IFT122: variants seen among roughly 807,000 people sequenced by gnomAD.
IFT122 encodes intraflagellar transport protein 122 homolog.
A neutral mutation model predicts 161.6 loss-of-function variants in IFT122; 118 were observed. That is an observed-to-expected ratio of 0.73 (90% CI 0.63 to 0.85). The LOEUF (loss-of-function observed/expected upper bound fraction) is 0.85, where lower values mean the gene tolerates loss of function less well. IFT122 is among the 40% of genes least tolerant of loss of function. The pLI, the probability that IFT122 is intolerant of heterozygous loss-of-function variation, is 0.00. For synonymous variants in IFT122, 550 were observed against 602.4 expected (o/e 0.91, Z 1.27); for missense variants, 1,381 against 1,579.6 (o/e 0.87, Z 2.13).
At position 129,502,740 on chromosome 3, in the gene IFT122, A is replaced by G. The variant is rs1275896342; in HGVS notation, c.2405A>G (p.Lys802Arg). ...ATCGACATCGCCCGCAAACTGGACA[A>G]GGCTGAGCGCGAGCCCCTGCTGCTG... ...MLIDIARKLD[K>R]AEREPLLLCA... The change falls in exon 20 of 30, where the codon AAG becomes AGG. Residue 802 changes from lysine to arginine, a missense_variant. Lys to Arg is a conservative substitution (Grantham distance 26). Transcript: ENST00000348417. 3.1e-6 allele frequency: 5 copies of G among 1,610,212 alleles called. No individual in the cohort carries two copies. The African/African-American group carries it at 6.7e-5, about 21-fold the overall frequency.
intron 8 of IFT122, among the ~76,000 whole-genome samples, chr3:129,469,109 G>C (rs1270211719): frequency 6.6e-6 from 1 of 152,220 alleles, no homozygotes; most frequent in Non-Finnish European, 1.5e-5. Flanking sequence ...TAAGGTCATA[G>C]CAGGGGACTC....
At chr3:129,466,385 TG>T (rs1254081564) in intron 7 of IFT122, among the ~76,000 whole-genome samples, 1 of 152,066 alleles carries the variant, frequency 6.6e-6, no homozygotes, top group Non-Finnish European at 1.5e-5. Flanking sequence ...GAGGACTTGG[TG>T]GCTCTAGGCT....
intron 1 of IFT122, among the ~76,000 whole-genome samples, chr3:129,445,624 G>C (rs1296934104): frequency 6.6e-6 from 1 of 152,202 alleles, no homozygotes; most frequent in Non-Finnish European, 1.5e-5. Flanking sequence ...GGGAGCAGAA[G>C]GCAGCATAGC....
chr3:129,490,218 A>G (rs780297062), intron 16 of IFT122, among the ~76,000 whole-genome samples: 2 of 152,198 alleles, frequency 1.3e-5, no homozygotes, highest in Non-Finnish European at 2.9e-5. Context: ...TGTGTACAAC[A>G]TGCTGTTTTG....
At chr3:129,461,143 T>C in intron 4 of IFT122, 85 bp from the exon 5 acceptor site, 2 of 1,151,990 alleles carry the variant, frequency 1.7e-6, no homozygotes, top group Admixed American at 3.4e-5. Context: ...TCAGAGGCTG[T>C]GGGCTCATTA....
chr3:129,488,065 A>C, intron 15 of IFT122, 192 bp from the exon 16 acceptor site: 1 of 788,916 alleles, frequency 1.3e-6, no homozygotes, highest in Non-Finnish European at 2.1e-6. Flanking sequence ...TAGCCCAGTC[A>C]TGAGAGAGGT....
In IFT122 at chr3:129,515,513, G is replaced by A; in HGVS notation, c.3179G>A (p.Cys1060Tyr). 6.4e-7 allele frequency: 1 copy of A among 1,550,780 alleles called. No homozygotes were observed. The highest frequency in any genetic ancestry group is 2.3e-5 in the East Asian group (1 of 44,286). Residue 1060 changes from cysteine (C) to tyrosine (Y), a missense_variant, in exon 26 of 30, where the codon TGC becomes TAC. Physicochemically the swap from Cys to Tyr is radical, Grantham distance 194. Coordinates refer to ENST00000348417, the MANE Select transcript of IFT122 (RefSeq NM_052989.3). ...GAGTTGGTGCCCTTGTGCTACCGCT[G>A]CTCCACCAACAACCCGCTGCTCAAC... The part of the protein sequence containing the change: ...SEELVPLCYR[C>Y]STNNPLLNNL...
At chr3:129,480,049 T>C in intron 13 of IFT122, 127 bp downstream of exon 13, 1 of 1,199,156 alleles carries the variant, frequency 8.3e-7, no homozygotes, top group South Asian at 1.3e-5. Context: ...ATGGGTGAAT[T>C]GTGGGGCAGC....
intron 9 of IFT122, among the ~76,000 whole-genome samples, chr3:129,475,169 A>G (rs931780826): frequency 6.6e-6 from 1 of 152,156 alleles, no homozygotes; most frequent in Non-Finnish European, 1.5e-5. Context: ...GTGGCCAATA[A>G]GCACATGAAA....
At chr3:129,518,953 C>G (rs760263484) in intron 27 of IFT122, among the ~76,000 whole-genome samples, 154 bp from the exon 28 acceptor site, 7 of 152,240 alleles carry the variant, frequency 4.6e-5, no homozygotes, top group African/African-American at 7.2e-5. Context: ...TCCCTTCCTT[C>G]TGATTCCTTG....
At position 129,495,615 on chromosome 3, in the gene IFT122, A is replaced by T; in HGVS notation, c.2208+8A>T. The T allele has an allele frequency of 2.5e-6, 4 of 1,614,052 alleles. No homozygotes were observed. Among genetic ancestry groups the T allele is most frequent in the Non-Finnish European group, 3.4e-6 (4 of 1,179,974 alleles). On this transcript the variant is annotated splice_region_variant and intron_variant, in intron 18 of 29. Coordinates refer to ENST00000348417, the MANE Select transcript of IFT122 (RefSeq NM_052989.3). ...ATGTTTGAGTATGCCAAGGTAACCT[A>T]CCCTGTCCCAGGCCCAAGCTCCAGC...
At chr3:129,454,641 C>G (rs1335758740) in intron 3 of IFT122, among the ~76,000 whole-genome samples, 1 of 151,036 alleles carries the variant, frequency 6.6e-6, no homozygotes, top group Admixed American at 6.6e-5. Flanking sequence ...TCTGTCTCAT[C>G]CTAGTGGCTG....
chr3:129,481,718 G>A (rs1358895740), intron 14 of IFT122, 24 bp downstream of exon 14: 27 of 1,612,582 alleles, frequency 1.7e-5, no homozygotes, highest in Non-Finnish European at 2.2e-5. Flanking sequence ...GGGGGCCCAG[G>A]GACATCATCC....
intron 3 of IFT122, chr3:129,452,234 T>C: frequency 2.0e-6 from 1 of 488,660 alleles, no homozygotes; most frequent in South Asian, 2.0e-5. Flanking sequence ...AAAACGGTGG[T>C]CCCTCCCCTT....
At chr3:129,440,548 C>A (rs1434889430) in intron 1 of IFT122, among the ~76,000 whole-genome samples, 177 bp downstream of exon 1, 1 of 152,168 alleles carries the variant, frequency 6.6e-6, no homozygotes, top group Admixed American at 6.5e-5. Context: ...GAGAAACTCC[C>A]GAGGGTTGGA....
At chr3:129,497,777 C>G (rs537111041) in intron 18 of IFT122, among the ~76,000 whole-genome samples, 1 of 152,312 alleles carries the variant, frequency 6.6e-6, no homozygotes, top group South Asian at 2.1e-4. Flanking sequence ...GAAATATGTA[C>G]CTACACATTA....
At chr3:129,444,961 T>C (rs1036405495) in intron 1 of IFT122, among the ~76,000 whole-genome samples, 2 of 152,232 alleles carry the variant, frequency 1.3e-5, no homozygotes, top group African/African-American at 2.4e-5. Flanking sequence ...ATACCTTTTT[T>C]TGACATATGC....
In IFT122 at chr3:129,499,971, A is replaced by T. The variant is rs2081338822; in HGVS notation, c.2278A>T (p.Asn760Tyr). The T allele has an allele frequency of 7.4e-6, 12 of 1,614,260 alleles. No homozygotes were observed. Among genetic ancestry groups the T allele is most frequent in the Non-Finnish European group, 1.0e-5 (12 of 1,180,040 alleles). The change falls in exon 19 of 30, where the codon AAT becomes TAT. Residue 760 changes from asparagine to tyrosine, a missense_variant. Asn to Tyr is a moderately radical substitution (Grantham distance 143). Around this residue, in one of 7 missense-constraint regions of IFT122, gnomAD observed 496 missense variants for 502.5 expected, o/e 0.99. Coordinates refer to ENST00000348417, the MANE Select transcript of IFT122 (RefSeq NM_052989.3). ...CACCAAACAGGCTGACTGGGCCAGAAATATCAAGGAGCCCAAAGCCGCCGT... is the reference window on the plus strand; with the variant it reads ...CACCAAACAGGCTGACTGGGCCAGATATATCAAGGAGCCCAAAGCCGCCGT... ...LITKQADWAR[N>Y]IKEPKAAVEM...
intron 18 of IFT122, 57 bp downstream of exon 18, chr3:129,495,664 G>T: frequency 3.8e-6 from 6 of 1,590,158 alleles, no homozygotes; most frequent in Middle Eastern, 1.7e-4. Context: ...GTATTCTCAC[G>T]TGCGGTGTCC....
Sources: allele counts gnomAD v4.1 joint callset (sites outside exome capture counted in the v4.1 genomes callset), GRCh38; gene constraint gnomAD v4.1.1; regional missense constraint gnomAD v4.1.1; transcripts MANE v1.5; gene names NCBI Gene and HGNC (gene_info 2026-07-23, HGNC 2026-07-21).